Variants in ZFHX3 observed in about 807,000 individuals in gnomAD.
ZFHX3 encodes the protein zinc finger homeobox protein 3.
Under a neutral mutation model 279.1 loss-of-function variants are expected in ZFHX3, and 42 were observed. That is an observed-to-expected ratio of 0.15 (90% CI 0.12 to 0.19). The LOEUF is 0.19. Ranked by LOEUF, ZFHX3 falls within the 10% of genes least tolerant of loss-of-function variation. The pLI, the probability that ZFHX3 is intolerant of heterozygous loss-of-function variation, is 1.00. For synonymous variants in ZFHX3, 2,293 were observed against 1,957.8 expected, an observed-to-expected ratio of 1.17 and a Z score of -4.52; for missense variants, 4,981 against 4,754.0, an observed-to-expected ratio of 1.05 and a Z score of -1.40.
chr16:73,165,343 G>A (rs1320817244), intron 5 of ZFHX3, among the ~76,000 whole-genome samples: 1 of 152,126 alleles, frequency 6.6e-6, no homozygotes, highest in Non-Finnish European at 1.5e-5. Flanking sequence ...ACTCCAAGGA[G>A]GTCTTGTACG....
At chr16:73,019,713 G>T (rs561451831) in intron 1 of ZFHX3, among the ~76,000 whole-genome samples, 1 of 152,150 alleles carries the variant, frequency 6.6e-6, no homozygotes, top group Non-Finnish European at 1.5e-5. Flanking sequence ...CCCTGAGCCC[G>T]TTCCTAGAGA....
chr16:73,317,664 AG>A, intron 4 of ZFHX3, among the ~76,000 whole-genome samples: 1 of 152,332 alleles, frequency 6.6e-6, no homozygotes, highest in South Asian at 2.1e-4. Context: ...GTACCTCGTA[AG>A]GATGCCTGAC....
At chr16:73,830,967 GGT>G (rs1960980428) in intron 1 of ZFHX3, among the ~76,000 whole-genome samples, 2 of 152,172 alleles carry the variant, frequency 1.3e-5, no homozygotes, top group Non-Finnish European at 2.9e-5. Context: ...AATGGATTTA[GGT>G]ACCTGGCAGA....
chr16:73,758,863 T>C (rs956671626), intron 1 of ZFHX3, among the ~76,000 whole-genome samples: 5 of 152,244 alleles, frequency 3.3e-5, no homozygotes, highest in Non-Finnish European at 5.9e-5. Flanking sequence ...TTGTATATCA[T>C]TGGATCTTCA....
chr16:73,666,000 T>C (rs1269016421), intron 2 of ZFHX3, among the ~76,000 whole-genome samples: 1 of 151,384 alleles, frequency 6.6e-6, no homozygotes, highest in African/African-American at 2.4e-5. Flanking sequence ...GTATTTTTAG[T>C]AGAGACAGGA....
At chr16:73,044,939 A>G (rs1183182619) in intron 1 of ZFHX3, among the ~76,000 whole-genome samples, 1 of 152,220 alleles carries the variant, frequency 6.6e-6, no homozygotes, top group Non-Finnish European at 1.5e-5. Context: ...AGTTTTATAA[A>G]GACAGCTCAC....
At chr16:72,970,210 A>AT (rs112563090) in intron 1 of ZFHX3, among the ~76,000 whole-genome samples, 278 of 145,730 alleles carry the variant, frequency 1.9e-3, no homozygotes, top group African/African-American at 3.3e-3. Flanking sequence ...ATTAAAAAAG[A>AT]TTTTTTTTTT....
chr16:73,473,359 A>AAC (rs1232378794), intron 2 of ZFHX3, among the ~76,000 whole-genome samples: 12 of 44,896 alleles, frequency 2.7e-4, no homozygotes, highest in Non-Finnish European at 5.1e-4. Context: ...AAAAAAAAAC[A>AAC]AAAAAAAAAA....
At chr16:73,666,907 T>C (rs2052848102) in intron 2 of ZFHX3, among the ~76,000 whole-genome samples, 1 of 152,014 alleles carries the variant, frequency 6.6e-6, no homozygotes, top group Non-Finnish European at 1.5e-5. Context: ...ACAATGCCTA[T>C]GGGATTCATC....
upstream of ZFHX3, chr16:73,059,778 T>C (rs1965658001): frequency 6.6e-6 from 1 of 152,140 alleles, no homozygotes; most frequent in Admixed American, 6.5e-5. Context: ...TGGAGAAAAC[T>C]TTAACACATA....
intron 5 of ZFHX3, among the ~76,000 whole-genome samples, chr16:73,145,533 T>A (rs1457196074): frequency 1.3e-5 from 2 of 152,222 alleles, no homozygotes; most frequent in African/African-American, 4.8e-5. Flanking sequence ...AAAGACTGTT[T>A]GATTGTTGAT....
rs368801981 is a variant in ZFHX3 at position 72,958,582 on chromosome 16, C to T, written c.1564G>A (p.Asp522Asn). The change falls in exon 2 of 10, where the codon GAC becomes AAC. Residue 522 changes from aspartate to asparagine, a missense_variant. Physicochemically the swap from Asp to Asn is conservative, Grantham distance 23. Coordinates refer to ENST00000268489, the MANE Select transcript of ZFHX3 (RefSeq NM_006885.4). ...ATGCTTTGGTTTGAGAGAGCAAGGT[C>T]CTTTTTGCTGCTACTACCTGCTGCG... ...GAAAGSSSKK[D>N]LALSNQSISN... is the part of the protein sequence containing the mutation. 7.4e-6 allele frequency: 12 copies of T among 1,614,030 alleles called. No individual in the cohort carries two copies. The African/African-American group carries it at 1.6e-4, about 22-fold the overall frequency.
chr16:73,242,674 T>C (rs2013159423), intron 5 of ZFHX3, among the ~76,000 whole-genome samples: 1 of 152,238 alleles, frequency 6.6e-6, no homozygotes, highest in Admixed American at 6.5e-5. Flanking sequence ...GAAATGCTGC[T>C]GGATATATAA....
At chr16:73,843,373 C>T (rs565305318) in intron 1 of ZFHX3, among the ~76,000 whole-genome samples, 12 of 152,072 alleles carry the variant, frequency 7.9e-5, no homozygotes, top group Non-Finnish European at 1.3e-4. Flanking sequence ...CGGTTTTGAA[C>T]GTCGATAAAA....
intron 1 of ZFHX3, among the ~76,000 whole-genome samples, chr16:73,716,456 T>C (rs2053415175): frequency 6.6e-6 from 1 of 152,170 alleles, no homozygotes; most frequent in African/African-American, 2.4e-5. Flanking sequence ...ACGGGCTATT[T>C]TCCTTAATCC....
chr16:73,466,385 A>C (rs1331113733), intron 2 of ZFHX3, among the ~76,000 whole-genome samples: 1 of 152,188 alleles, frequency 6.6e-6, no homozygotes, highest in Non-Finnish European at 1.5e-5. Flanking sequence ...TTGGAGACTG[A>C]GGTGGGAGGA....
intron 5 of ZFHX3, among the ~76,000 whole-genome samples, chr16:73,235,917 C>A (rs1323289755): frequency 6.6e-6 from 1 of 152,168 alleles, no homozygotes; most frequent in Non-Finnish European, 1.5e-5. Flanking sequence ...GCAATCTGCC[C>A]ACCTAGGCTT....
At chr16:73,605,769 G>A (rs906358561) in intron 2 of ZFHX3, among the ~76,000 whole-genome samples, 1 of 151,988 alleles carries the variant, frequency 6.6e-6, no homozygotes, top group Non-Finnish European at 1.5e-5. Flanking sequence ...AAATACCTGG[G>A]GCTTTCTCGG....
At chr16:73,767,237 T>C (rs529704575) in intron 1 of ZFHX3, among the ~76,000 whole-genome samples, 4 of 152,260 alleles carry the variant, frequency 2.6e-5, no homozygotes, top group Middle Eastern at 3.4e-3. Flanking sequence ...GCGCCCAGCC[T>C]TTGCCACTAC....
Sources: allele counts gnomAD v4.1 joint callset (sites outside exome capture counted in the v4.1 genomes callset), GRCh38; gene constraint gnomAD v4.1.1; transcripts MANE v1.5; gene names NCBI Gene and HGNC (gene_info 2026-07-23, HGNC 2026-07-21).